The following ABAT variants were observed in gnomAD, a reference collection of about 807,000 sequenced individuals.
The protein encoded by ABAT is 4-aminobutyrate aminotransferase, mitochondrial.
In ABAT, 45 loss-of-function variants were observed where a neutral mutation model predicts 64.6. That is an observed-to-expected ratio of 0.70 (90% CI 0.55 to 0.89). The LOEUF is 0.89. Ranked by LOEUF, ABAT falls within the 40% of genes least tolerant of loss-of-function variation. The pLI, the probability that ABAT is intolerant of heterozygous loss-of-function variation, is 0.00. For synonymous variants in ABAT, 297 were observed against 250.5 expected (o/e 1.19, Z -1.75); for missense variants, 633 against 658.4 (o/e 0.96, Z 0.42).
chr16:8,769,747 C>A (rs548023257), intron 11 of ABAT, among the ~76,000 whole-genome samples: 2 of 152,166 alleles, frequency 1.3e-5, no homozygotes, highest in Non-Finnish European at 2.9e-5. Context: ...CCCTACCCCC[C>A]GTTTCCACGT....
chr16:8,696,199 A>G (rs912907395), intron 1 of ABAT, among the ~76,000 whole-genome samples: 1 of 152,100 alleles, frequency 6.6e-6, no homozygotes, highest in African/African-American at 2.4e-5. Flanking sequence ...CAAGGTTCCT[A>G]CTGTTGCACT....
intron 6 of ABAT, among the ~76,000 whole-genome samples, chr16:8,761,025 G>A (rs867137765): frequency 2.6e-5 from 4 of 152,126 alleles, no homozygotes; most frequent in Admixed American, 6.5e-5. Context: ...GCAGTGAGCC[G>A]TGATCTCGCC....
chr16:8,757,891 TTTCATTCA>T (rs2059692113), intron 6 of ABAT, 85 bp downstream of exon 6: 2 of 1,398,778 alleles, frequency 1.4e-6, no homozygotes, highest in Admixed American at 3.5e-5. Context: ...GCAATAGTCC[TTTCATTCA>T]TTCATTCATT....
intron 5 of ABAT, among the ~76,000 whole-genome samples, chr16:8,753,984 A>G (rs1361304477): frequency 6.6e-6 from 1 of 152,062 alleles, no homozygotes. Context: ...AGGCTTGGGC[A>G]GGCAACAGAA....
chr16:8,702,578 A>C (rs1385917751), intron 1 of ABAT, among the ~76,000 whole-genome samples: 2 of 152,086 alleles, frequency 1.3e-5, no homozygotes, highest in African/African-American at 4.8e-5. Flanking sequence ...ACCACATCTC[A>C]TGAGAACTCT....
intron 1 of ABAT, among the ~76,000 whole-genome samples, chr16:8,688,062 T>C (rs1473277054): frequency 7.5e-6 from 1 of 134,018 alleles, no homozygotes; most frequent in Non-Finnish European, 1.6e-5. Context: ...GCCCCGCTAT[T>C]TTACTTATTT....
In ABAT at chr16:8,766,094, A is replaced by G. The variant is rs1218761404; in HGVS notation, c.541-114A>G. 7.5e-6 allele frequency: 7 copies of G among 935,632 alleles called. No homozygotes were observed. In the Admixed American group the frequency reaches 1.4e-4, roughly 18 times the overall value. The allele number at this position is 935,632 out of a possible 1,614,324, so 58.0% of individuals were successfully genotyped here. On this transcript the variant is annotated intron_variant, in intron 8 of 15. Coordinates refer to ENST00000268251, the MANE Select transcript of ABAT (RefSeq NM_020686.6). ...CTGCAACAATTAATACATGAGATCCACTCCTGAGAAAGCACTTTCTACTTG... is the reference window on the plus strand; with the variant it reads ...CTGCAACAATTAATACATGAGATCCGCTCCTGAGAAAGCACTTTCTACTTG...
intron 15 of ABAT, among the ~76,000 whole-genome samples, chr16:8,780,938 C>A (rs753482382): frequency 1.1e-4 from 17 of 152,136 alleles, no homozygotes; most frequent in Non-Finnish European, 1.9e-4. Flanking sequence ...TACCTATTTT[C>A]TTTTCCCACT....
Position 8,776,208 on chromosome 16 carries a change from C to T in ABAT, c.1123-136C>T, listed in dbSNP as rs1329167613. 3.3e-6 allele frequency: 4 copies of T among 1,213,750 alleles called. No individual in the cohort carries two copies. In the East Asian group the frequency reaches 7.1e-5, roughly 22 times the overall value. The allele number at this position is 1,213,750 out of a possible 1,614,324, so 75.2% of individuals were successfully genotyped here. ...GAATTCAGCGAGATTGGGTGTGTTC[C>T]CCTGCCAGCCTCTGGTAGATGCCCA... On this transcript the variant is annotated intron_variant, in intron 13 of 15. Transcript: ENST00000268251. This position sits in a 1 kb window ranked among gnomAD's most constrained non-coding sequence, Gnocchi z 4.4.
chr16:8,698,824 TA>T (rs2057759203), intron 1 of ABAT, among the ~76,000 whole-genome samples: 1 of 152,202 alleles, frequency 6.6e-6, no homozygotes, highest in Admixed American at 6.5e-5. Context: ...CACACACCTG[TA>T]ATCCCAGCTA....
chr16:8,711,198 G>A (rs80100664), intron 1 of ABAT, among the ~76,000 whole-genome samples: 2,271 of 152,314 alleles, frequency 0.015, 54 homozygotes, highest in African/African-American at 0.051. Context: ...TGCCAGCAAT[G>A]AATGAAGTGC....
rs1051030324 is a variant in ABAT at position 8,768,731 on chromosome 16, G to T, written c.668-94G>T. On this transcript the variant is annotated intron_variant, in intron 10 of 15. Coordinates refer to ENST00000268251, the MANE Select transcript of ABAT (RefSeq NM_020686.6). ...CAACAGGCCTCCCTGCCCACTGACA[G>T]CCTTGCGCTGAAATGTCTATCATCT... 31 of 1,568,200 alleles carry T rather than the reference G, an allele frequency of 2.0e-5. No individual in the cohort carries two copies. In the Admixed American group the frequency reaches 5.2e-4, roughly 26 times the overall value.
chr16:8,696,672 A>G (rs1172182887), intron 1 of ABAT, among the ~76,000 whole-genome samples: 1 of 152,092 alleles, frequency 6.6e-6, no homozygotes, highest in African/African-American at 2.4e-5. Context: ...GTGGTCCCTG[A>G]GCTCTGGCCA....
intron 13 of ABAT, 93 bp downstream of exon 13, chr16:8,775,150 G>T (rs2060229338): frequency 1.3e-6 from 2 of 1,562,132 alleles, no homozygotes; most frequent in East Asian, 2.2e-5. Flanking sequence ...GAGGAGCTGG[G>T]TGGGCACTTA....
Position 8,776,518 on chromosome 16 carries a change from C to T in ABAT, c.1269+28C>T, listed in dbSNP as rs1266860426. 1.9e-6 allele frequency: 3 copies of T among 1,567,758 alleles called. No individual in the cohort carries two copies. The highest frequency in any genetic ancestry group is 2.3e-5 in the South Asian group (2 of 85,642). Reference sequence around the variant, plus strand: ...AACACCCCCTCCCCTGCCCCGCCCCCACCACCCATGGCTCCCCGCAGCAGC... The same window carrying T: ...AACACCCCCTCCCCTGCCCCGCCCCTACCACCCATGGCTCCCCGCAGCAGC... On this transcript the variant is annotated intron_variant, in intron 14 of 15. Coordinates refer to ENST00000268251, the MANE Select transcript of ABAT (RefSeq NM_020686.6). This position sits in a 1 kb window ranked among gnomAD's most constrained non-coding sequence, Gnocchi z 4.4.
chr16:8,712,493 T>C (rs1325486575), intron 1 of ABAT, among the ~76,000 whole-genome samples: 1 of 152,178 alleles, frequency 6.6e-6, no homozygotes, highest in Non-Finnish European at 1.5e-5. Flanking sequence ...TGGGAAATGG[T>C]CTAGGCGCCG....
chr16:8,742,392 C>T (rs2059188858), intron 2 of ABAT, among the ~76,000 whole-genome samples: 1 of 152,190 alleles, frequency 6.6e-6, no homozygotes, highest in Non-Finnish European at 1.5e-5. Context: ...CGTGTGTCCT[C>T]ATTTAAGAAC....
chr16:8,743,216 C>A (rs2059215804), intron 2 of ABAT, among the ~76,000 whole-genome samples: 1 of 151,066 alleles, frequency 6.6e-6, no homozygotes, highest in South Asian at 2.1e-4. Context: ...CAGAAACCTT[C>A]TTTGATAACC....
At chr16:8,716,310 G>A (rs918669745) in intron 1 of ABAT, among the ~76,000 whole-genome samples, 2 of 151,864 alleles carry the variant, frequency 1.3e-5, no homozygotes, top group Admixed American at 1.3e-4. Flanking sequence ...TTTTTGCTAC[G>A]AGTGGATAAT....
Sources: allele counts gnomAD v4.1 joint callset (sites outside exome capture counted in the v4.1 genomes callset), GRCh38; gene constraint gnomAD v4.1.1; non-coding constraint Gnocchi (gnomAD v3.1); transcripts MANE v1.5; gene names NCBI Gene and HGNC (gene_info 2026-07-23, HGNC 2026-07-21).